The following PCDHA2 variants were observed in gnomAD, a reference collection of about 807,000 sequenced individuals.
PCDHA2 encodes protocadherin alpha-2.
In PCDHA2, 58 loss-of-function variants were observed where a neutral mutation model predicts 66.0. That is an observed-to-expected ratio of 0.88 (90% CI 0.71 to 1.09). The LOEUF (loss-of-function observed/expected upper bound fraction) is 1.09, where lower values mean the gene tolerates loss of function less well. PCDHA2 is among the 50% of genes least tolerant of loss of function. PCDHA2 has a pLI of 0.00. For missense variants in PCDHA2, 1,267 were observed against 1,242.3 expected (o/e 1.02, Z -0.30); for synonymous variants, 634 against 554.0 (o/e 1.14, Z -2.03).
At chr5:140,910,357 T>C (rs1394310433) in intron 1 of PCDHA2, among the ~76,000 whole-genome samples, 3 of 152,226 alleles carry the variant, frequency 2.0e-5, no homozygotes, top group African/African-American at 7.2e-5. Flanking sequence ...CTGTCCATTA[T>C]GGTAGCTATG....
intron 1 of PCDHA2, chr5:140,808,274 G>A: frequency 7.4e-6 from 12 of 1,614,206 alleles, no homozygotes; most frequent in Non-Finnish European, 1.0e-5. Flanking sequence ...TAGAGAGGAC[G>A]CTCCACTGGG....
chr5:141,010,405 C>A lies in PCDHA2; in HGVS notation c.*468C>A. The A allele has an allele frequency of 7.9e-7, 1 of 1,260,098 alleles. No homozygotes were observed. The highest frequency in any genetic ancestry group is 1.1e-6 in the Non-Finnish European group (1 of 934,062). The allele number at this position is 1,260,098 out of a possible 1,614,324, so 78.1% of individuals were successfully genotyped here. On this transcript the variant is annotated 3_prime_UTR_variant, in exon 4 of 4. Transcript: ENST00000526136. ...ATTGGCTGAGACGAGCCAGCTTAGACTAATTGGTACAAGGAAGGCAAGAAA... is the reference window on the plus strand; with the variant it reads ...ATTGGCTGAGACGAGCCAGCTTAGAATAATTGGTACAAGGAAGGCAAGAAA...
chr5:140,825,114 T>C (rs1037237517), intron 1 of PCDHA2: 1 of 151,798 alleles, frequency 6.6e-6, no homozygotes, highest in Non-Finnish European at 1.5e-5. Context: ...ACAAATAAAC[T>C]TCCCTACCCC....
At chr5:140,940,398 T>C (rs936966571) in intron 1 of PCDHA2, among the ~76,000 whole-genome samples, 10 of 152,340 alleles carry the variant, frequency 6.6e-5, no homozygotes, top group African/African-American at 2.4e-4. Context: ...TATTGTGTTT[T>C]TCATTTTAAA....
At chr5:140,967,159 G>A in intron 1 of PCDHA2, 2 of 1,610,752 alleles carry the variant, frequency 1.2e-6, no homozygotes, top group Non-Finnish European at 1.7e-6. Context: ...CCGTGGCGGT[G>A]AGCGCCGTTG....
Position 140,849,797 on chromosome 5 carries a change from A to G in PCDHA2, c.2388+52445A>G, listed in dbSNP as rs2150450643. On this transcript the variant is annotated intron_variant, in intron 1 of 3. Coordinates refer to ENST00000526136, the MANE Select transcript of PCDHA2 (RefSeq NM_018905.3). ...CCGCGCGGGACGGGGGCTCGCCTTC[A>G]CTGTGGGCCACGGCCAGGGTGTCTG... 700 of 1,597,928 alleles carry G rather than the reference A, an allele frequency of 4.4e-4. 59 individuals carry two copies. Among genetic ancestry groups the G allele is most frequent in the Non-Finnish European group, 5.7e-4 (663 of 1,167,700 alleles).
intron 1 of PCDHA2, chr5:140,848,634 C>A (rs1364235763): frequency 1.1e-5 from 17 of 1,593,322 alleles, no homozygotes; most frequent in Non-Finnish European, 1.5e-5. Context: ...CTTCGTGGGC[C>A]GCATCGCGCA....
intron 1 of PCDHA2, chr5:140,841,181 C>G: frequency 2.6e-6 from 3 of 1,156,610 alleles, no homozygotes; most frequent in Non-Finnish European, 3.6e-6. Context: ...GGTCAATGTT[C>G]AAAGTCTTTT....
chr5:140,876,190 C>A (rs782463342), intron 1 of PCDHA2: 1 of 1,613,936 alleles, frequency 6.2e-7, no homozygotes, highest in Non-Finnish European at 8.5e-7. Context: ...TGACAATGGT[C>A]CGGCGTTTGA....
Position 140,856,118 on chromosome 5 carries a change from G to A in PCDHA2, c.2388+58766G>A. On this transcript the variant is annotated intron_variant, in intron 1 of 3. Coordinates refer to ENST00000526136, the MANE Select transcript of PCDHA2 (RefSeq NM_018905.3). ...CTCGCTTCTTCTCCTCGCAGCCTGG[G>A]AGGTGGGGAGCGGCCAGCTCCACTA... 1.3e-6 allele frequency: 2 copies of A among 1,598,234 alleles called. 1 individual carries two copies. The highest frequency in any genetic ancestry group is 2.7e-5 in the African/African-American group (2 of 74,402).
rs557419543 is a variant in PCDHA2, at chr5:140,854,019, G to A, written c.2388+56667G>A. On this transcript the variant is annotated intron_variant, in intron 1 of 3. Transcript: ENST00000526136. ...CTCTGCCAAAAAAAAAAAATTAGCCGGGCATGGTGGCACACATCTCTAGTC... is the reference window on the plus strand; with the variant it reads ...CTCTGCCAAAAAAAAAAAATTAGCCAGGCATGGTGGCACACATCTCTAGTC... 8.1e-5 allele frequency: 27 copies of A among 335,108 alleles called. No homozygotes were observed. In the South Asian group the frequency reaches 3.3e-3, roughly 41 times the overall value. 20.8% of individuals were successfully genotyped at this position (335,108 alleles called of 1,614,324 possible). A position where few individuals can be genotyped will look rare whatever the true frequency, so the allele number is the denominator to read the frequency against.
At chr5:140,926,788 G>A in intron 1 of PCDHA2, 26 of 1,427,398 alleles carry the variant, frequency 1.8e-5, no homozygotes, top group Non-Finnish European at 2.4e-5. Flanking sequence ...ACGGCCGGCA[G>A]GAGCGTGCTC....
At chr5:140,907,093 C>A (rs1303875069) in intron 1 of PCDHA2, among the ~76,000 whole-genome samples, 2 of 152,090 alleles carry the variant, frequency 1.3e-5, no homozygotes, top group Non-Finnish European at 2.9e-5. Flanking sequence ...GTAAGTGGTG[C>A]CACTTCCACT....
rs2044359336 is a variant in PCDHA2 at position 140,857,099 on chromosome 5, G to A, written c.2388+59747G>A. On this transcript the variant is annotated intron_variant, in intron 1 of 3. Transcript: ENST00000526136. ...AAATGATAATTCACCTGAGGTGATT[G>A]TCACTTCTCTGTCTCTCCCAGTGAA... 2 of 1,597,238 alleles carry A rather than the reference G, an allele frequency of 1.3e-6. No homozygotes were observed. The highest frequency in any genetic ancestry group is 3.4e-5 in the Admixed American group (2 of 59,246).
rs146253628 is a variant in PCDHA2 at position 140,848,781 on chromosome 5, T to G, written c.2388+51429T>G. On this transcript the variant is annotated intron_variant, in intron 1 of 3. Coordinates refer to ENST00000526136, the MANE Select transcript of PCDHA2 (RefSeq NM_018905.3). ...TTCTCGGATCGACCGCGAGGAGCTG[T>G]GCGGGCGGAGCGCGGAGTGCAGCAT... 4,068 of 1,593,236 alleles carry G rather than the reference T, an allele frequency of 2.6e-3. 389 individuals are homozygous for G. The highest frequency in any genetic ancestry group is 3.0e-3 in the Non-Finnish European group (3,446 of 1,164,036).
chr5:140,824,992 A>T (rs1272467499), intron 1 of PCDHA2: 2 of 152,122 alleles, frequency 1.3e-5, no homozygotes, highest in Non-Finnish European at 2.9e-5. Context: ...GGAAACACAT[A>T]TACATGGTTT....
At chr5:140,862,894 TTGTC>T (rs782757160) in intron 1 of PCDHA2, 2 of 559,636 alleles carry the variant, frequency 3.6e-6, no homozygotes, top group East Asian at 4.8e-5. Flanking sequence ...AACGACAACT[TTGTC>T]TGCGCTGCTG....
intron 1 of PCDHA2, chr5:140,969,383 C>G: frequency 6.3e-7 from 1 of 1,597,986 alleles, no homozygotes; most frequent in Non-Finnish European, 8.5e-7. Context: ...TGTTACACAT[C>G]CCCCAATATC....
intron 3 of PCDHA2, among the ~76,000 whole-genome samples, chr5:140,986,734 C>T (rs2153854061): frequency 6.6e-6 from 1 of 152,260 alleles, no homozygotes; most frequent in Non-Finnish European, 1.5e-5. Context: ...TCTCAAGACC[C>T]CAGGGGATCT....
Sources: gnomAD v4.1 joint callset for allele counts (sites outside exome capture counted in the v4.1 genomes callset) on GRCh38, gnomAD v4.1.1 for gene constraint, MANE v1.5 for transcripts, NCBI Gene and HGNC (gene_info 2026-07-23, HGNC 2026-07-21) for gene names.